Variants in SAMD5 observed in about 807,000 individuals in gnomAD.
SAMD5 encodes the protein sterile alpha motif domain-containing protein 5.
A neutral mutation model predicts 11.3 loss-of-function variants in SAMD5; 13 were observed. The observed-to-expected ratio is 1.15, with a 90% CI of 0.75 to 1.83. The LOEUF (loss-of-function observed/expected upper bound fraction) is 1.83. Ranked by LOEUF, SAMD5 falls within the 40% of genes most tolerant of loss-of-function variation. SAMD5 has a pLI of 0.00. For synonymous variants in SAMD5, 129 were observed against 111.3 expected (o/e 1.16, Z -1.00); for missense variants, 255 against 239.1 (o/e 1.07, Z -0.44).
the SAMD5 span, among the ~76,000 whole-genome samples, chr6:147,785,131 C>T: frequency 2.0e-5 from 3 of 152,116 alleles, no homozygotes; most frequent in Admixed American, 2.0e-4. Flanking sequence ...TTCCTTCCAC[C>T]CAAATATCCA....
the SAMD5 span, among the ~76,000 whole-genome samples, chr6:147,919,925 AG>A: frequency 6.6e-6 from 1 of 152,228 alleles, no homozygotes; most frequent in Non-Finnish European, 1.5e-5. Flanking sequence ...CCTCCTGTCC[AG>A]TGCTTATTTT....
At chr6:147,745,314 T>TA in the SAMD5 span, among the ~76,000 whole-genome samples, 1 of 152,152 alleles carries the variant, frequency 6.6e-6, no homozygotes, top group Non-Finnish European at 1.5e-5. Context: ...TACTTTTCTA[T>TA]ATGTTTGAAA....
At chr6:147,664,399 C>T (rs1325840891) in intron 1 of SAMD5, among the ~76,000 whole-genome samples, 2 of 152,152 alleles carry the variant, frequency 1.3e-5, no homozygotes, top group Non-Finnish European at 2.9e-5. Flanking sequence ...GTGGATCAAA[C>T]TTGTCCTGAT....
the SAMD5 span, among the ~76,000 whole-genome samples, chr6:147,946,950 C>T: frequency 6.6e-6 from 1 of 152,246 alleles, no homozygotes; most frequent in East Asian, 1.9e-4. Flanking sequence ...GGCCAATAAG[C>T]TATTGTTATT....
the SAMD5 span, among the ~76,000 whole-genome samples, chr6:147,861,467 A>G: frequency 6.6e-6 from 1 of 151,980 alleles, no homozygotes; most frequent in African/African-American, 2.4e-5. Context: ...CGCCCAACCC[A>G]CTGTGATTAT....
At chr6:147,786,456 A>G in the SAMD5 span, among the ~76,000 whole-genome samples, 1 of 152,228 alleles carries the variant, frequency 6.6e-6, no homozygotes, top group African/African-American at 2.4e-5. Flanking sequence ...ATAAGCTCAT[A>G]TACTCCCTTG....
Position 147,509,267 on chromosome 6 carries a change from C to G in SAMD5, c.339C>G (p.His113Gln). ...GCACCCGCGGGGACTCTCGCGGCCA[C>G]ACGACCGCCCCCCGCAGCAGGGAGC... Reference protein sequence around the residue: ...AQGTRGDSRGHTTAPRSRELV... With the variant: ...AQGTRGDSRGQTTAPRSRELV... The change falls in exon 1 of 2, where the codon CAC becomes CAG. Residue 113 changes from histidine to glutamine, a missense_variant. Physicochemically the swap from His to Gln is conservative, Grantham distance 24 (BLOSUM62 0). Transcript: ENST00000367474. 6.5e-7 allele frequency: 1 copy of G among 1,550,258 alleles called. No individual in the cohort carries two copies. Among genetic ancestry groups the G allele is most frequent in the South Asian group, 1.2e-5 (1 of 83,858 alleles).
At chr6:147,641,148 A>G (rs62436290) in intron 1 of SAMD5, among the ~76,000 whole-genome samples, 109 of 152,258 alleles carry the variant, frequency 7.2e-4, no homozygotes, top group African/African-American at 1.1e-3. Flanking sequence ...TTTTAACCCA[A>G]TCTCTAAATT....
the SAMD5 span, among the ~76,000 whole-genome samples, chr6:147,765,220 G>A: frequency 6.6e-6 from 1 of 151,760 alleles, no homozygotes; most frequent in Non-Finnish European, 1.5e-5. Context: ...TTTTTTTTGT[G>A]TTTTCAAAGT....
chr6:147,745,939 A>C, the SAMD5 span, among the ~76,000 whole-genome samples: 1 of 151,988 alleles, frequency 6.6e-6, no homozygotes, highest in Middle Eastern at 3.2e-3. Flanking sequence ...ACGGGGTTTC[A>C]CTATCTTGGC....
intron 1 of SAMD5, among the ~76,000 whole-genome samples, chr6:147,654,011 T>G (rs1158669152): frequency 6.6e-6 from 1 of 152,214 alleles, no homozygotes; most frequent in East Asian, 1.9e-4. Context: ...TAATCCACAG[T>G]TTAGAATTAG....
At chr6:147,666,984 C>T (rs1790731767) in intron 1 of SAMD5, among the ~76,000 whole-genome samples, 1 of 152,152 alleles carries the variant, frequency 6.6e-6, no homozygotes, top group African/African-American at 2.4e-5. Flanking sequence ...GTAGCCCTTT[C>T]CCCCATTTTT....
chr6:147,856,769 G>A, the SAMD5 span, among the ~76,000 whole-genome samples: 1 of 144,176 alleles, frequency 6.9e-6, no homozygotes. Flanking sequence ...CTTTTTCATT[G>A]ACATTTTCAA....
chr6:147,846,426 C>G, the SAMD5 span, among the ~76,000 whole-genome samples: 1 of 152,160 alleles, frequency 6.6e-6, no homozygotes, highest in African/African-American at 2.4e-5. Context: ...ATGTCAATAT[C>G]CTGGTTTGCA....
intron 1 of SAMD5, among the ~76,000 whole-genome samples, chr6:147,681,619 G>A (rs1041768737): frequency 6.6e-6 from 1 of 152,016 alleles, no homozygotes; most frequent in African/African-American, 2.4e-5. Flanking sequence ...CAGCCATTAT[G>A]AATTTTACCT....
At chr6:147,919,404 G>A in the SAMD5 span, among the ~76,000 whole-genome samples, 1,839 of 152,220 alleles carry the variant, frequency 0.012, 41 homozygotes, top group African/African-American at 0.041. Context: ...GAAACCATGC[G>A]CTAGCAGTTA....
At chr6:147,534,651 C>T (rs1008123553) in intron 1 of SAMD5, among the ~76,000 whole-genome samples, 4 of 152,086 alleles carry the variant, frequency 2.6e-5, no homozygotes, top group Admixed American at 2.0e-4. Flanking sequence ...TCTTTTTGCG[C>T]TGAGTCAGTT....
downstream of SAMD5, among the ~76,000 whole-genome samples, chr6:147,573,148 A>G (rs1479842752): frequency 6.6e-6 from 1 of 152,198 alleles, no homozygotes; most frequent in Non-Finnish European, 1.5e-5. Flanking sequence ...GAGAGCTTTG[A>G]AGTCACACAA....
chr6:147,651,950 C>A (rs1790491652), intron 1 of SAMD5, among the ~76,000 whole-genome samples: 1 of 123,682 alleles, frequency 8.1e-6, no homozygotes, highest in East Asian at 2.2e-4. Context: ...AGTCCCACAG[C>A]TCAACACCAA....
Sources: allele counts gnomAD v4.1 joint callset (sites outside exome capture counted in the v4.1 genomes callset), GRCh38; gene constraint gnomAD v4.1.1; transcripts MANE v1.5; gene names NCBI Gene and HGNC (gene_info 2026-07-23, HGNC 2026-07-21).